CDH18: variants seen among roughly 807,000 people sequenced by gnomAD.
CDH18 encodes cadherin 18.
In CDH18, 31 loss-of-function variants were observed where a neutral mutation model predicts 67.9. That is an observed-to-expected ratio of 0.46 (90% CI 0.34 to 0.62). The LOEUF (loss-of-function observed/expected upper bound fraction) is 0.62. CDH18 is among the 20% of genes least tolerant of loss of function. CDH18 has a pLI of 0.01. For synonymous variants in CDH18, 362 were observed against 347.2 expected, an observed-to-expected ratio of 1.04 and a Z score of -0.48; for missense variants, 890 against 975.5, an observed-to-expected ratio of 0.91 and a Z score of 1.17.
intron 3 of CDH18, among the ~76,000 whole-genome samples, chr5:19,834,152 ATT>A (rs36060099): frequency 1.1e-4 from 16 of 143,696 alleles, no homozygotes; most frequent in African/African-American, 2.3e-4. Context: ...TGGTCCTGGG[ATT>A]TTTTTTTTTT....
intron 3 of CDH18, among the ~76,000 whole-genome samples, chr5:19,751,152 TA>T (rs1770793802): frequency 6.6e-6 from 1 of 152,194 alleles, no homozygotes; most frequent in Non-Finnish European, 1.5e-5. Context: ...GAGTTCACTC[TA>T]GAAAACTATT....
chr5:19,824,340 A>G (rs1246222448), intron 3 of CDH18, among the ~76,000 whole-genome samples: 1 of 152,174 alleles, frequency 6.6e-6, no homozygotes, highest in Non-Finnish European at 1.5e-5. Context: ...GAGTAGAGCT[A>G]GACACCAGCC....
At chr5:19,524,909 C>G (rs796347057) in intron 9 of CDH18, among the ~76,000 whole-genome samples, 1 of 152,082 alleles carries the variant, frequency 6.6e-6, no homozygotes, top group Non-Finnish European at 1.5e-5. Flanking sequence ...CCACGCCCGG[C>G]TAATTTATTG....
intron 11 of CDH18, among the ~76,000 whole-genome samples, chr5:19,495,195 C>CA (rs1301499287): frequency 6.6e-6 from 1 of 152,028 alleles, no homozygotes; most frequent in African/African-American, 2.4e-5. Context: ...GGTTCTAACC[C>CA]AATTTAATTA....
At chr5:19,963,973 G>A (rs886481267) in intron 2 of CDH18, among the ~76,000 whole-genome samples, 1 of 151,914 alleles carries the variant, frequency 6.6e-6, no homozygotes, top group Non-Finnish European at 1.5e-5. Flanking sequence ...TAGCATAGGG[G>A]CAAGTGCCCC....
intron 1 of CDH18, among the ~76,000 whole-genome samples, chr5:20,299,757 C>CAAA (rs368044422): frequency 0.036 from 3,844 of 107,158 alleles, 212 homozygotes; most frequent in East Asian, 0.097. Flanking sequence ...GGCTCTGTCT[C>CAAA]AAAAAAAAAA....
chr5:20,241,019 A>G (rs1336652189), intron 2 of CDH18, among the ~76,000 whole-genome samples: 1 of 152,210 alleles, frequency 6.6e-6, no homozygotes, highest in African/African-American at 2.4e-5. Flanking sequence ...ATTTATGTAA[A>G]TAAATTACCA....
intron 1 of CDH18, among the ~76,000 whole-genome samples, chr5:20,435,855 T>C (rs1749128813): frequency 6.6e-6 from 1 of 152,098 alleles, no homozygotes; most frequent in Non-Finnish European, 1.5e-5. Context: ...AGTATGCTTA[T>C]CTGAGAATCC....
intron 2 of CDH18, among the ~76,000 whole-genome samples, chr5:20,195,954 A>C (rs1738940865): frequency 6.6e-6 from 1 of 152,156 alleles, no homozygotes; most frequent in South Asian, 2.1e-4. Flanking sequence ...GTAAGTTAGA[A>C]CCAGATGATT....
At chr5:20,187,368 T>C (rs1738182243) in intron 2 of CDH18, among the ~76,000 whole-genome samples, 1 of 151,882 alleles carries the variant, frequency 6.6e-6, no homozygotes. Context: ...ATCTAATATT[T>C]AGATAACCAT....
chr5:20,296,010 T>A (rs775806004), intron 1 of CDH18, among the ~76,000 whole-genome samples: 13 of 150,352 alleles, frequency 8.6e-5, no homozygotes, highest in Non-Finnish European at 1.8e-4. Flanking sequence ...TAACTGGGAT[T>A]CCAGGCACAT....
intron 1 of CDH18, among the ~76,000 whole-genome samples, chr5:20,558,802 C>A (rs1393155679): frequency 6.6e-6 from 1 of 151,750 alleles, no homozygotes; most frequent in Non-Finnish European, 1.5e-5. Context: ...ACTTGAGGGC[C>A]AGTAAGATTT....
At chr5:20,510,535 T>C (rs138599245) in intron 1 of CDH18, among the ~76,000 whole-genome samples, 1 of 152,250 alleles carries the variant, frequency 6.6e-6, no homozygotes, top group East Asian at 1.9e-4. Flanking sequence ...CGATTGAAAA[T>C]CTGACTCCCA....
chr5:19,780,391 T>C (rs1224001091), intron 3 of CDH18, among the ~76,000 whole-genome samples: 1 of 152,144 alleles, frequency 6.6e-6, no homozygotes, highest in Non-Finnish European at 1.5e-5. Context: ...AATCAGCATC[T>C]CACTTACTTT....
At chr5:20,185,696 T>A (rs1738043406) in intron 2 of CDH18, among the ~76,000 whole-genome samples, 1 of 152,016 alleles carries the variant, frequency 6.6e-6, no homozygotes, top group Admixed American at 6.6e-5. Flanking sequence ...AGAAGATACC[T>A]CCTGTGACTT....
intron 2 of CDH18, among the ~76,000 whole-genome samples, chr5:20,196,780 T>C (rs1461338905): frequency 1.3e-5 from 2 of 152,192 alleles, no homozygotes; most frequent in Admixed American, 1.3e-4. Flanking sequence ...ATTTGAAGCA[T>C]GATTACTCAT....
chr5:20,036,247 G>A (rs1370509988), intron 2 of CDH18, among the ~76,000 whole-genome samples: 2 of 151,980 alleles, frequency 1.3e-5, no homozygotes, highest in East Asian at 3.9e-4. Flanking sequence ...GGAACTAGGA[G>A]GTGATGACTT....
chr5:20,388,255 G>A lies in CDH18; in HGVS notation c.-579-132750C>T, dbSNP rs1373901115. On this transcript the variant is annotated intron_variant, in intron 1 of 14. Transcript: ENST00000507958. ...TGCCTCAATTTCAGAACCTGTTATT[G>A]GTCTATTCAGAGATTCAACTTCTTC... is the stretch of plus-strand genomic sequence containing the variant. Among the ~76,000 whole-genome samples, 4 of 152,202 alleles carry A rather than the reference G, an allele frequency of 2.6e-5. No individual in the cohort carries two copies. The East Asian group carries it at 7.7e-4, about 29-fold the overall frequency.
At chr5:19,802,716 A>G (rs1197891759) in intron 3 of CDH18, among the ~76,000 whole-genome samples, 2 of 152,200 alleles carry the variant, frequency 1.3e-5, no homozygotes, top group Non-Finnish European at 2.9e-5. Flanking sequence ...CCTCTTCCTT[A>G]CTTAAGCTGC....
Sources: gnomAD v4.1 joint callset for allele counts (sites outside exome capture counted in the v4.1 genomes callset) on GRCh38, gnomAD v4.1.1 for gene constraint, MANE v1.5 for transcripts, NCBI Gene and HGNC (gene_info 2026-07-23, HGNC 2026-07-21) for gene names.